The following SLC12A1 variants were observed in gnomAD, a reference collection of about 807,000 sequenced individuals.
SLC12A1 encodes solute carrier family 12 member 1.
A neutral mutation model predicts 130.4 loss-of-function variants in SLC12A1; 89 were observed. The observed-to-expected ratio is 0.68, with a 90% CI of 0.58 to 0.81. SLC12A1 has a LOEUF of 0.81. SLC12A1 is among the 40% of genes least tolerant of loss of function. The probability of loss-of-function intolerance (pLI) is 0.00; values close to 1 mark genes in which losing one functional copy is unlikely to be tolerated. For synonymous variants in SLC12A1, 499 were observed against 460.0 expected, an observed-to-expected ratio of 1.08 and a Z score of -1.09; for missense variants, 1,310 against 1,336.4, an observed-to-expected ratio of 0.98 and a Z score of 0.31.
chr15:48,245,439 C>T (rs1027553091), intron 11 of SLC12A1, among the ~76,000 whole-genome samples: 2 of 152,080 alleles, frequency 1.3e-5, no homozygotes, highest in East Asian at 3.9e-4. Flanking sequence ...CCTCTCTGGT[C>T]GCCCCCAGTG....
rs1457680530 is a variant in SLC12A1, at chr15:48,303,035, A to G, written c.*150A>G. 17 of 544,162 alleles carry G rather than the reference A, an allele frequency of 3.1e-5. No individual in the cohort carries two copies. The highest frequency in any genetic ancestry group is 5.1e-5 in the Non-Finnish European group (17 of 332,950). The allele number at this position is 544,162 out of a possible 1,614,324, so 33.7% of individuals were successfully genotyped here. On this transcript the variant is annotated 3_prime_UTR_variant, in exon 27 of 27. Coordinates refer to ENST00000380993, the MANE Select transcript of SLC12A1 (RefSeq NM_000338.3). ...CTACATACATTGCATAATTTTTATCAGTTAATGCGAGCTTTTTTTTCTCTT... is the reference window on the plus strand; with the variant it reads ...CTACATACATTGCATAATTTTTATCGGTTAATGCGAGCTTTTTTTTCTCTT...
chr15:48,251,985 A>G (rs890396137), intron 15 of SLC12A1, among the ~76,000 whole-genome samples: 2 of 152,170 alleles, frequency 1.3e-5, no homozygotes, highest in African/African-American at 4.8e-5. Context: ...TAGGCAGATC[A>G]CAAGGTCAGG....
intron 23 of SLC12A1, among the ~76,000 whole-genome samples, chr15:48,289,856 G>T (rs947972513): frequency 6.6e-6 from 1 of 152,066 alleles, no homozygotes; most frequent in Admixed American, 6.6e-5. Context: ...CCCAGGACAC[G>T]ACTACACTAC....
At chr15:48,221,053 A>AATCT in intron 4 of SLC12A1, 57 bp downstream of exon 4, 1 of 1,488,984 alleles carries the variant, frequency 6.7e-7, no homozygotes, top group East Asian at 2.3e-5. Context: ...TTCAATAAGC[A>AATCT]ATCTTTTTTC....
intron 26 of SLC12A1, 21 bp from the exon 27 acceptor site, chr15:48,302,729 A>T: frequency 1.3e-6 from 2 of 1,577,488 alleles, no homozygotes; most frequent in Non-Finnish European, 1.7e-6. Flanking sequence ...TCATTTTTAA[A>T]TTTTTCCTTC....
At chr15:48,297,994 G>A (rs1162923323) in intron 24 of SLC12A1, among the ~76,000 whole-genome samples, 1 of 152,130 alleles carries the variant, frequency 6.6e-6, no homozygotes, top group Non-Finnish European at 1.5e-5. Context: ...TTCTAAATAA[G>A]TTAATGCAAT....
chr15:48,264,208 C>T (rs980859845), intron 17 of SLC12A1, among the ~76,000 whole-genome samples: 4 of 152,160 alleles, frequency 2.6e-5, no homozygotes, highest in Non-Finnish European at 5.9e-5. Context: ...ATTGTCCTCT[C>T]CTGTAAAGGA....
chr15:48,290,518 G>C (rs1157528210), intron 23 of SLC12A1, among the ~76,000 whole-genome samples: 1 of 152,190 alleles, frequency 6.6e-6, no homozygotes, highest in African/African-American at 2.4e-5. Flanking sequence ...TGGCAGTGCA[G>C]TTGGTTTGTT....
At chr15:48,291,076 G>T (rs887304375) in intron 23 of SLC12A1, among the ~76,000 whole-genome samples, 2 of 151,774 alleles carry the variant, frequency 1.3e-5, no homozygotes, top group Non-Finnish European at 2.9e-5. Context: ...TAGGTAGATA[G>T]AGATAGAAGT....
chr15:48,248,770 C>T (rs924343129), intron 13 of SLC12A1, among the ~76,000 whole-genome samples: 1 of 152,200 alleles, frequency 6.6e-6, no homozygotes, highest in Non-Finnish European at 1.5e-5. Context: ...GGGCCAGGCA[C>T]GGTGGCTTAC....
chr15:48,226,909 G>A (rs2041296482), intron 5 of SLC12A1: 1 of 609,874 alleles, frequency 1.6e-6, no homozygotes, highest in African/African-American at 1.9e-5. Context: ...TTAACGTTTA[G>A]TACATTTCAG....
At chr15:48,210,246 CAA>C (rs2041035951) in intron 2 of SLC12A1, among the ~76,000 whole-genome samples, 1 of 152,070 alleles carries the variant, frequency 6.6e-6, no homozygotes. Context: ...TAAAATGAAT[CAA>C]AGTTCTTTTT....
At chr15:48,230,817 C>G (rs958190832) in intron 7 of SLC12A1, among the ~76,000 whole-genome samples, 13 of 152,162 alleles carry the variant, frequency 8.5e-5, no homozygotes, top group African/African-American at 3.1e-4. Flanking sequence ...AATCACAAAC[C>G]CTGGTTCCTC....
intron 23 of SLC12A1, among the ~76,000 whole-genome samples, chr15:48,291,017 G>A (rs1301991055): frequency 2.0e-5 from 3 of 151,774 alleles, no homozygotes; most frequent in Non-Finnish European, 2.9e-5. Flanking sequence ...AAAAATTTAG[G>A]GGTAAAGGTG....
At chr15:48,229,360 G>A (rs2041339836) in intron 6 of SLC12A1, 32 bp downstream of exon 6, 1 of 1,563,010 alleles carries the variant, frequency 6.4e-7, no homozygotes, top group Non-Finnish European at 8.7e-7. Context: ...TTTCTGCCAA[G>A]CAGCATAATT....
intron 1 of SLC12A1, among the ~76,000 whole-genome samples, chr15:48,206,563 T>C (rs1301440900): frequency 6.6e-6 from 1 of 152,194 alleles, no homozygotes; most frequent in Non-Finnish European, 1.5e-5. Context: ...GAGACAAGTT[T>C]TTATTTATAT....
At position 48,272,150 on chromosome 15, in the gene SLC12A1, G is replaced by C. The variant is rs1392635661; in HGVS notation, c.2402+2386G>C. ...AATAATAGATCTCCTTGGTAATAAA[G>C]TTCAATATTAGGGTGACCCAGATTT... On this transcript the variant is annotated intron_variant, in intron 19 of 26. Transcript: ENST00000380993. Among the ~76,000 whole-genome samples, 3 of 152,092 alleles carry C rather than the reference G, an allele frequency of 2.0e-5. No homozygotes were observed. In the East Asian group the frequency reaches 5.8e-4, roughly 29 times the overall value.
At chr15:48,283,031 G>A (rs972464416) in intron 20 of SLC12A1, among the ~76,000 whole-genome samples, 1 of 152,098 alleles carries the variant, frequency 6.6e-6, no homozygotes, top group South Asian at 2.1e-4. Context: ...GGAATAAAAT[G>A]CAACACAGTC....
At chr15:48,260,035 A>G (rs1421988806) in intron 17 of SLC12A1, among the ~76,000 whole-genome samples, 1 of 152,152 alleles carries the variant, frequency 6.6e-6, no homozygotes, top group African/African-American at 2.4e-5. Flanking sequence ...TGGGAGGCCA[A>G]GGTGGGCGGA....
Sources: gnomAD v4.1 joint callset for allele counts (sites outside exome capture counted in the v4.1 genomes callset) on GRCh38, gnomAD v4.1.1 for gene constraint, MANE v1.5 for transcripts, NCBI Gene and HGNC (gene_info 2026-07-23, HGNC 2026-07-21) for gene names.